Variants in PIR observed in about 807,000 individuals in gnomAD.
PIR encodes pirin.
PIR carries 22 observed loss-of-function variants against 24.2 expected under a neutral mutation model. The ratio of observed to expected loss-of-function variants is 0.91; its 90% CI spans 0.65 to 1.30. The LOEUF is 1.30. PIR is among the 50% of genes most tolerant of loss of function. The pLI, the probability that PIR is intolerant of heterozygous loss-of-function variation, is 0.00. For synonymous variants in PIR, 80 were observed against 79.6 expected, an observed-to-expected ratio of 1.00 and a Z score of -0.03; for missense variants, 220 against 220.3, an observed-to-expected ratio of 1.00 and a Z score of 0.01.
At chrX:15,397,025 C>T (rs752911946) in intron 8 of PIR, among the ~76,000 whole-genome samples, 18 of 112,434 alleles carry the variant, frequency 1.6e-4, no homozygotes, top group Admixed American at 3.8e-4. Flanking sequence ...CAGGCGTGAG[C>T]CACCACGCCC....
intron 6 of PIR, among the ~76,000 whole-genome samples, chrX:15,422,211 T>A (rs757882759): frequency 9.1e-6 from 1 of 109,575 alleles, no homozygotes; most frequent in Non-Finnish European, 1.9e-5. Context: ...TGGGAAAAAA[T>A]TGAAAGAATT....
rs1302034354 is a variant in PIR, at chrX:15,459,367, G to A, written c.273+290C>T. Among the ~76,000 whole-genome samples the A allele has an allele frequency of 1.2e-4, 13 of 111,087 alleles. No homozygotes were observed. The East Asian group carries it at 3.1e-3, about 26-fold the overall frequency. ...AATCTGATCTCAGTAAGTACAAAAC[G>A]AATGAAAGATAAGGAAGTTGGGATA... On this transcript the variant is annotated intron_variant, in intron 4 of 9. Transcript: ENST00000380420.
chrX:15,432,288 G>A (rs991704493), intron 5 of PIR, among the ~76,000 whole-genome samples: 2 of 111,941 alleles, frequency 1.8e-5, no homozygotes, highest in African/African-American at 3.2e-5. Flanking sequence ...TAACAGTTCT[G>A]CTCAACCCTT....
Position 15,396,988 on chromosome X carries a change from C to T in PIR, c.693+461G>A, listed in dbSNP as rs766882445. Among the ~76,000 whole-genome samples, 10 of 112,166 alleles carry T rather than the reference C, an allele frequency of 8.9e-5. No homozygotes were observed. In the East Asian group the frequency reaches 2.8e-3, roughly 32 times the overall value. On this transcript the variant is annotated intron_variant, in intron 8 of 9. Transcript: ENST00000380420. ...ATTTCCTGACATCGTGATCCGCCCG[C>T]CTCGGCCTCCCAAAGTGCTGCGATT...
intron 7 of PIR, among the ~76,000 whole-genome samples, chrX:15,402,256 G>A (rs1268671003): frequency 2.7e-5 from 3 of 111,640 alleles, no homozygotes; most frequent in Non-Finnish European, 5.7e-5. Context: ...ATACAGTTAA[G>A]GTGGGTTTAC....
chrX:15,418,541 G>C (rs184371230), intron 6 of PIR, among the ~76,000 whole-genome samples: 1 of 111,849 alleles, frequency 8.9e-6, no homozygotes, highest in Non-Finnish European at 1.9e-5. Context: ...TCAGAAACTC[G>C]ACAAATTAGA....
intron 8 of PIR, among the ~76,000 whole-genome samples, chrX:15,395,116 C>T (rs1924085831): frequency 8.9e-6 from 1 of 111,936 alleles, no homozygotes; most frequent in South Asian, 3.7e-4. Flanking sequence ...TTATCAAATC[C>T]TCAGGCTAAT....
intron 8 of PIR, among the ~76,000 whole-genome samples, chrX:15,392,392 T>C (rs778890686): frequency 8.9e-6 from 1 of 111,840 alleles, no homozygotes; most frequent in Admixed American, 9.5e-5. Flanking sequence ...TCTAATAATA[T>C]AGCATATTTC....
chrX:15,462,256 A>T (rs1402064900), intron 3 of PIR, among the ~76,000 whole-genome samples: 2 of 112,477 alleles, frequency 1.8e-5, no homozygotes, highest in Non-Finnish European at 3.8e-5. Context: ...TTACCTCAGG[A>T]ACACGGCAAC....
intron 9 of PIR, among the ~76,000 whole-genome samples, chrX:15,388,158 A>G: frequency 8.9e-6 from 1 of 112,575 alleles, no homozygotes; most frequent in Non-Finnish European, 1.9e-5. Flanking sequence ...CTTTCAAATT[A>G]TAGCTTTCAT....
At chrX:15,452,922 C>T (rs911774607) in intron 5 of PIR, among the ~76,000 whole-genome samples, 4 of 112,227 alleles carry the variant, frequency 3.6e-5, no homozygotes, top group Non-Finnish European at 7.5e-5. Context: ...TTGTTGTTGA[C>T]TCTGTATTGG....
At chrX:15,405,752 T>C (rs774746678) in intron 7 of PIR, among the ~76,000 whole-genome samples, 7 of 112,472 alleles carry the variant, frequency 6.2e-5, no homozygotes, top group Non-Finnish European at 1.3e-4. Context: ...GCTGTGTACA[T>C]ATAAACTTAT....
chrX:15,450,289 T>C lies in PIR; in HGVS notation c.480+5559A>G, dbSNP rs560955147. Among the ~76,000 whole-genome samples, 76 of 111,332 alleles carry C rather than the reference T, an allele frequency of 6.8e-4. No homozygotes were observed. The Middle Eastern group carries it at 0.019, about 27-fold the overall frequency. The stretch of plus-strand genomic sequence containing the variant: ...TGTTGTTTTTCCTTTGCTTGCTCTC[T>C]GGGACAGCTGGAGCCTGTTTACTCA... On this transcript the variant is annotated intron_variant, in intron 5 of 9. Coordinates refer to ENST00000380420, the MANE Select transcript of PIR (RefSeq NM_001018109.3).
intron 7 of PIR, among the ~76,000 whole-genome samples, chrX:15,397,831 G>C (rs11094679): frequency 0.49 from 54,145 of 110,473 alleles, 9,992 homozygotes; most frequent in Non-Finnish European, 0.58. Context: ...AAATTATAAA[G>C]TTTATAAGAA....
At chrX:15,463,613 C>T (rs1921405901) in intron 3 of PIR, among the ~76,000 whole-genome samples, 1 of 112,184 alleles carries the variant, frequency 8.9e-6, no homozygotes, top group African/African-American at 3.2e-5. Flanking sequence ...CAGCAGGTCA[C>T]AGGCAGATGG....
intron 5 of PIR, among the ~76,000 whole-genome samples, chrX:15,427,851 G>A (rs1372509421): frequency 9.2e-6 from 1 of 108,184 alleles, no homozygotes; most frequent in East Asian, 2.8e-4. Flanking sequence ...ATATGTGTGT[G>A]TATGTATACA....
intron 7 of PIR, among the ~76,000 whole-genome samples, chrX:15,407,055 T>C (rs757581002): frequency 9.2e-4 from 103 of 112,114 alleles, no homozygotes; most frequent in Non-Finnish European, 1.7e-3. Context: ...ACAAGCAACA[T>C]ATATACAACC....
chrX:15,408,273 G>T (rs1924614281), intron 6 of PIR, among the ~76,000 whole-genome samples: 1 of 111,507 alleles, frequency 9.0e-6, no homozygotes, highest in Non-Finnish European at 1.9e-5. Flanking sequence ...TTTGTACTTA[G>T]TTGCATTCTA....
At chrX:15,402,358 A>G (rs1924416569) in intron 7 of PIR, among the ~76,000 whole-genome samples, 1 of 112,100 alleles carries the variant, frequency 8.9e-6, no homozygotes, top group Admixed American at 9.4e-5. Flanking sequence ...CACAAATTCA[A>G]AGGCATTTTC....
Sources: gnomAD v4.1 joint callset for allele counts (sites outside exome capture counted in the v4.1 genomes callset) on GRCh38, gnomAD v4.1.1 for gene constraint, MANE v1.5 for transcripts, NCBI Gene and HGNC (gene_info 2026-07-23, HGNC 2026-07-21) for gene names.